GAK: variants seen among roughly 807,000 people sequenced by gnomAD.
GAK encodes the protein cyclin-G-associated kinase.
A neutral mutation model predicts 143.9 loss-of-function variants in GAK; 79 were observed. The ratio of observed to expected loss-of-function variants is 0.55; its 90% confidence interval spans 0.46 to 0.66. The LOEUF (loss-of-function observed/expected upper bound fraction) is 0.66. Among genes scored for constraint, GAK ranks in the 30% least tolerant of loss-of-function variants. The pLI is 0.00. For synonymous variants in GAK, 881 were observed against 765.5 expected (o/e 1.15, Z -2.49); for missense variants, 1,693 against 1,779.7 (o/e 0.95, Z 0.88).
At chr4:920,534 G>C in intron 1 of GAK, among the ~76,000 whole-genome samples, 1 of 128,268 alleles carries the variant, frequency 7.8e-6, no homozygotes. Flanking sequence ...AAAAGGTTTA[G>C]AGCCATTTTT....
intron 1 of GAK, among the ~76,000 whole-genome samples, chr4:915,999 C>T (rs1473204188): frequency 6.6e-6 from 1 of 152,190 alleles, no homozygotes; most frequent in Non-Finnish European, 1.5e-5. Context: ...ATAACAAACG[C>T]ATTCAGGATG....
intron 1 of GAK, among the ~76,000 whole-genome samples, chr4:929,421 G>A (rs922536194): frequency 2.0e-5 from 3 of 152,192 alleles, no homozygotes; most frequent in African/African-American, 7.2e-5. Context: ...CAGGGAAGGT[G>A]GATTTCCCTG....
At chr4:895,103 T>C (rs1350014245) in intron 7 of GAK, among the ~76,000 whole-genome samples, 3 of 152,230 alleles carry the variant, frequency 2.0e-5, no homozygotes, top group African/African-American at 2.4e-5. Flanking sequence ...TGCTGTGTGC[T>C]ATGCGAGGGG....
chr4:873,687 A>G (rs1175242133), intron 18 of GAK, among the ~76,000 whole-genome samples: 1 of 152,174 alleles, frequency 6.6e-6, no homozygotes, highest in Non-Finnish European at 1.5e-5. Flanking sequence ...CCCACCTGAT[A>G]TGGACAGTGA....
intron 24 of GAK, chr4:859,401 C>T: frequency 6.6e-7 from 1 of 1,517,068 alleles, no homozygotes. Context: ...CCAGTGTCAG[C>T]AACTCCCGGT....
At chr4:881,444 C>G (rs1403162697) in intron 15 of GAK, among the ~76,000 whole-genome samples, 1 of 152,200 alleles carries the variant, frequency 6.6e-6, no homozygotes, top group Non-Finnish European at 1.5e-5. Context: ...TGAGAAACAG[C>G]CTCCTCCACA....
chr4:912,562 T>G, intron 3 of GAK, 173 bp downstream of exon 3: 1 of 542,454 alleles, frequency 1.8e-6, no homozygotes, highest in Non-Finnish European at 3.3e-6. Context: ...CAGAAAAAAC[T>G]GCTTCTTCCT....
intron 10 of GAK, 51 bp from the exon 11 acceptor site, chr4:889,021 C>T (rs769805863): frequency 9.0e-6 from 14 of 1,557,310 alleles, no homozygotes; most frequent in African/African-American, 1.4e-5. Flanking sequence ...TCCCACCTCC[C>T]CAGGTGCGGG....
rs143277193 is a variant in GAK at position 849,921 on chromosome 4, G to A, written c.3805C>T (p.Arg1269Cys). 81 of 1,585,348 alleles carry A rather than the reference G, an allele frequency of 5.1e-5. No homozygotes were observed. The highest frequency in any genetic ancestry group is 1.7e-4 in the Middle Eastern group (1 of 5,978). ...TCGGGGTGCACAGCCAGCACCGCGC[G>A]GCGATAGTGCTTCTTCACTTGCTCC... Reference protein sequence around the residue: ...APEQVKKHYRRAVLAVHPDKA... With the variant: ...APEQVKKHYRCAVLAVHPDKA... The change falls in exon 27 of 28, where the codon CGC (arginine) becomes TGC (cysteine). Residue 1269 changes from arginine (R) to cysteine (C), a missense_variant. Coordinates refer to ENST00000314167, the MANE Select transcript of GAK (RefSeq NM_005255.4).
intron 1 of GAK, among the ~76,000 whole-genome samples, chr4:931,032 C>T (rs1349248747): frequency 6.6e-6 from 1 of 152,200 alleles, no homozygotes; most frequent in Non-Finnish European, 1.5e-5. Flanking sequence ...TACGCTTCCG[C>T]ACCCAAGTCA....
intron 21 of GAK, among the ~76,000 whole-genome samples, 164 bp from the exon 22 acceptor site, chr4:866,698 G>A (rs1056596986): frequency 3.3e-5 from 5 of 152,154 alleles, no homozygotes; most frequent in African/African-American, 4.8e-5. Flanking sequence ...GGGGCTCCCC[G>A]TGCCCCACGC....
At chr4:865,441 C>T (rs1322205571) in intron 22 of GAK, among the ~76,000 whole-genome samples, 197 bp from the exon 23 acceptor site, 5 of 152,072 alleles carry the variant, frequency 3.3e-5, no homozygotes, top group African/African-American at 9.7e-5. Context: ...AGCGAGTGGA[C>T]GTAGGGGCAC....
intron 5 of GAK, among the ~76,000 whole-genome samples, chr4:899,713 C>CAT (rs1719501255): frequency 6.6e-6 from 1 of 152,194 alleles, no homozygotes; most frequent in Non-Finnish European, 1.5e-5. Context: ...CAAGGGGACG[C>CAT]CCAGGGTTAG....
At chr4:901,651 C>A (rs986955774) in intron 5 of GAK, among the ~76,000 whole-genome samples, 1 of 152,354 alleles carries the variant, frequency 6.6e-6, no homozygotes, top group South Asian at 2.1e-4. Context: ...GCTGGAGGAG[C>A]AGCTGAGGCG....
intron 3 of GAK, 116 bp from the exon 4 acceptor site, chr4:911,903 T>C (rs777397529): frequency 6.3e-6 from 5 of 796,944 alleles, no homozygotes; most frequent in African/African-American, 1.7e-5. Flanking sequence ...ATCGAACCCT[T>C]ACAATTTTAG....
intron 24 of GAK, 128 bp from the exon 25 acceptor site, chr4:852,102 G>A: frequency 1.2e-6 from 1 of 834,182 alleles, no homozygotes; most frequent in Non-Finnish European, 2.0e-6. Flanking sequence ...ATCACTCGAG[G>A]CCGTCCAGAG....
Position 881,912 on chromosome 4 carries a change from G to C in GAK, c.1656C>G (p.His552Gln). Reference sequence around the variant, plus strand: ...CCCGGAGGGCCACGCAGTACCTTTTGTGGGATGGCCAGATGCCTGGTGGGC... The same window carrying C: ...CCCGGAGGGCCACGCAGTACCTTTTCTGGGATGGCCAGATGCCTGGTGGGC... ...KRCPPGIWPS[H>Q]KRYIEYMCDM... The change falls in exon 15 of 28, where the codon CAC (histidine) becomes CAG (glutamine). Residue 552 changes from histidine to glutamine, a missense_variant. Coordinates refer to ENST00000314167, the MANE Select transcript of GAK (RefSeq NM_005255.4). 3 of 1,587,514 alleles carry C rather than the reference G, an allele frequency of 1.9e-6. No individual in the cohort carries two copies. The highest frequency in any genetic ancestry group is 2.6e-6 in the Non-Finnish European group (3 of 1,166,494).
chr4:925,841 G>GC (rs1724626869), intron 1 of GAK, among the ~76,000 whole-genome samples: 3 of 152,200 alleles, frequency 2.0e-5, no homozygotes, highest in Admixed American at 2.0e-4. Flanking sequence ...TGGTTTATAG[G>GC]CCCCCAGTGT....
intron 9 of GAK, 113 bp downstream of exon 9, chr4:893,264 G>A (rs922375543): frequency 1.6e-5 from 11 of 700,042 alleles, no homozygotes; most frequent in Non-Finnish European, 2.2e-5. Flanking sequence ...CCTCCCTTCT[G>A]CAGGGGATCT....
Sources: allele counts gnomAD v4.1 joint callset (sites outside exome capture counted in the v4.1 genomes callset), GRCh38; gene constraint gnomAD v4.1.1; transcripts MANE v1.5; gene names NCBI Gene and HGNC (gene_info 2026-07-23, HGNC 2026-07-21).